Variants in PRMT3 observed in about 807,000 individuals in gnomAD.
PRMT3 encodes protein arginine methyltransferase 3.
A neutral mutation model predicts 71.9 loss-of-function variants in PRMT3; 62 were observed. The ratio of observed to expected loss-of-function variants is 0.86; its 90% CI spans 0.70 to 1.07. PRMT3 has a LOEUF of 1.07. Among genes scored for constraint, PRMT3 ranks in the 50% least tolerant of loss-of-function variants. The probability of loss-of-function intolerance (pLI) is 0.00; values close to 1 mark genes in which losing one functional copy is unlikely to be tolerated. For missense variants in PRMT3, 663 were observed against 643.0 expected (o/e 1.03, Z -0.34); for synonymous variants, 213 against 220.4 (o/e 0.97, Z 0.30).
At chr11:20,468,524 A>G (rs895218046) in intron 13 of PRMT3, among the ~76,000 whole-genome samples, 1 of 152,102 alleles carries the variant, frequency 6.6e-6, no homozygotes, top group Non-Finnish European at 1.5e-5. Flanking sequence ...GTGCGCCACC[A>G]CAGCCGGCTA....
chr11:20,508,560 G>A lies in PRMT3; in HGVS notation c.*147G>A. The A allele has an allele frequency of 1.4e-6, 1 of 709,742 alleles. No homozygotes were observed. Among genetic ancestry groups the A allele is most frequent in the Non-Finnish European group, 2.6e-6 (1 of 385,862 alleles). The allele number at this position is 709,742 out of a possible 1,614,324, so 44.0% of individuals were successfully genotyped here. ...TCAATAAGAGAGAAGTTCTCATTGTGGGAATCTGACATAGTTCAGCTGAGG... is the reference window on the plus strand; with the variant it reads ...TCAATAAGAGAGAAGTTCTCATTGTAGGAATCTGACATAGTTCAGCTGAGG... On this transcript the variant is annotated 3_prime_UTR_variant, in exon 16 of 16. Transcript: ENST00000331079.
At chr11:20,427,241 G>T (rs1590056391) in intron 10 of PRMT3, among the ~76,000 whole-genome samples, 1 of 152,054 alleles carries the variant, frequency 6.6e-6, no homozygotes, top group Admixed American at 6.5e-5. Context: ...ACATGATATT[G>T]CCACCATTAT....
intron 13 of PRMT3, among the ~76,000 whole-genome samples, chr11:20,476,313 T>C (rs1297281956): frequency 1.3e-5 from 2 of 152,124 alleles, no homozygotes; most frequent in East Asian, 1.9e-4. Flanking sequence ...GATCACCCTA[T>C]TGCACTCCAG....
intron 10 of PRMT3, among the ~76,000 whole-genome samples, chr11:20,435,937 C>T (rs1849751253): frequency 6.6e-6 from 1 of 152,202 alleles, no homozygotes; most frequent in African/African-American, 2.4e-5. Context: ...AGTATTAATT[C>T]TTCCAATTCA....
chr11:20,432,425 G>T (rs1405637190), intron 10 of PRMT3, among the ~76,000 whole-genome samples: 5 of 151,988 alleles, frequency 3.3e-5, no homozygotes, highest in Non-Finnish European at 1.5e-5. Context: ...TGTATATTGT[G>T]TATATATGTC....
chr11:20,405,896 A>G (rs1300414209), intron 8 of PRMT3: 2 of 152,174 alleles, frequency 1.3e-5, no homozygotes, highest in Admixed American at 1.3e-4. Flanking sequence ...TGCAGCCATC[A>G]CCACCTCCAT....
In PRMT3 at chr11:20,508,418, G is replaced by A; in HGVS notation, c.*5G>A. On this transcript the variant is annotated 3_prime_UTR_variant, in exon 16 of 16. Transcript: ENST00000331079. ...CAAACTTATGGTCTCCAGTGAAACA[G>A]CCATAAAAGCACACTACCTTGTAGT... The A allele has an allele frequency of 6.3e-7, 1 of 1,576,010 alleles. No homozygotes were observed. The highest frequency in any genetic ancestry group is 1.4e-5 in the African/African-American group (1 of 73,956).
intron 10 of PRMT3, among the ~76,000 whole-genome samples, chr11:20,438,491 G>C (rs531584325): frequency 6.6e-6 from 1 of 152,086 alleles, no homozygotes; most frequent in Admixed American, 6.5e-5. Flanking sequence ...ACTCGGACTC[G>C]TGGGGGTTAG....
At chr11:20,451,396 T>A (rs1850144519) in intron 10 of PRMT3, among the ~76,000 whole-genome samples, 1 of 152,158 alleles carries the variant, frequency 6.6e-6, no homozygotes, top group East Asian at 1.9e-4. Context: ...CTCAGAACTT[T>A]TAGTGTGCTC....
At chr11:20,481,442 G>T (rs1310647365) in intron 13 of PRMT3, among the ~76,000 whole-genome samples, 1 of 152,032 alleles carries the variant, frequency 6.6e-6, no homozygotes, top group Non-Finnish European at 1.5e-5. Flanking sequence ...CTTTATAAAA[G>T]TGTGTATTTT....
chr11:20,504,643 TTATG>T (rs1851535893), intron 15 of PRMT3, among the ~76,000 whole-genome samples: 1 of 151,968 alleles, frequency 6.6e-6, no homozygotes, highest in African/African-American at 2.4e-5. Flanking sequence ...GTTTTGTAGT[TTATG>T]TAAGTCAGAC....
At chr11:20,501,807 G>A (rs1404037463) in intron 15 of PRMT3, among the ~76,000 whole-genome samples, 1 of 152,012 alleles carries the variant, frequency 6.6e-6, no homozygotes, top group Non-Finnish European at 1.5e-5. Context: ...AGTAAATATG[G>A]CAGTACTTTA....
intron 3 of PRMT3, among the ~76,000 whole-genome samples, chr11:20,390,941 T>A (rs1848700081): frequency 6.6e-6 from 1 of 152,064 alleles, no homozygotes; most frequent in Non-Finnish European, 1.5e-5. Context: ...TCCCAGCTAC[T>A]TGGGAGGCTG....
chr11:20,507,436 G>A (rs1225944584), intron 15 of PRMT3, among the ~76,000 whole-genome samples: 6 of 143,122 alleles, frequency 4.2e-5, no homozygotes, highest in Non-Finnish European at 9.2e-5. Flanking sequence ...ACTTTCACAA[G>A]GATTTGACAC....
chr11:20,488,347 A>ACAGT (rs1851128226), intron 13 of PRMT3, among the ~76,000 whole-genome samples: 1 of 152,172 alleles, frequency 6.6e-6, no homozygotes. Context: ...CTAAGCTATA[A>ACAGT]CAGTCATTTT....
intron 12 of PRMT3, among the ~76,000 whole-genome samples, 170 bp from the exon 13 acceptor site, chr11:20,464,290 A>T (rs1850454256): frequency 6.6e-6 from 1 of 152,130 alleles, no homozygotes; most frequent in Non-Finnish European, 1.5e-5. Flanking sequence ...TAAACTTATA[A>T]ATAATTCCAA....
intron 9 of PRMT3, among the ~76,000 whole-genome samples, chr11:20,425,842 A>G (rs572940986): frequency 1.3e-5 from 2 of 152,162 alleles, no homozygotes; most frequent in Non-Finnish European, 2.9e-5. Context: ...GTTTTTCGGA[A>G]TTTAACAAAA....
chr11:20,464,773 T>C (rs1850469114), intron 13 of PRMT3, among the ~76,000 whole-genome samples: 1 of 152,218 alleles, frequency 6.6e-6, no homozygotes, highest in African/African-American at 2.4e-5. Context: ...ACATAATGAT[T>C]TTTCTTTATA....
At chr11:20,476,874 T>A (rs992529924) in intron 13 of PRMT3, among the ~76,000 whole-genome samples, 1 of 151,718 alleles carries the variant, frequency 6.6e-6, no homozygotes, top group African/African-American at 2.4e-5. Flanking sequence ...TTTGCTTCTC[T>A]TCCCTTTTAA....
Sources: allele counts gnomAD v4.1 joint callset (sites outside exome capture counted in the v4.1 genomes callset), GRCh38; gene constraint gnomAD v4.1.1; transcripts MANE v1.5; gene names NCBI Gene and HGNC (gene_info 2026-07-23, HGNC 2026-07-21).